Variants in SRFBP1 observed in about 807,000 individuals in gnomAD.
The protein encoded by SRFBP1 is serum response factor-binding protein 1.
A neutral mutation model predicts 45.5 loss-of-function variants in SRFBP1; 47 were observed. That is an observed-to-expected ratio of 1.03 (90% CI 0.82 to 1.32). The LOEUF (loss-of-function observed/expected upper bound fraction) is 1.32, where lower values mean the gene tolerates loss of function less well. Ranked by LOEUF, SRFBP1 falls within the 40% of genes most tolerant of loss-of-function variation. SRFBP1 has a pLI of 0.00. For missense variants in SRFBP1, 621 were observed against 484.6 expected, an observed-to-expected ratio of 1.28 and a Z score of -2.64; for synonymous variants, 203 against 166.3, an observed-to-expected ratio of 1.22 and a Z score of -1.70.
rs1433464482 is a variant in SRFBP1 at position 122,020,768 on chromosome 5, T to C, written c.1033T>C (p.Phe345Leu). ...AACCAGAAAGTTAGAATCAGTGTTTTTCCACTCTTTATCTGGATCTAAAAG... is the reference window on the plus strand; with the variant it reads ...AACCAGAAAGTTAGAATCAGTGTTTCTCCACTCTTTATCTGGATCTAAAAG... ...TETRKLESVF[F>L]HSLSGSKSSR... is the part of the protein sequence containing the mutation. The change falls in exon 6 of 8, where the codon TTC becomes CTC. Residue 345 changes from phenylalanine (F) to leucine (L), a missense_variant. Coordinates refer to ENST00000339397, the MANE Select transcript of SRFBP1 (RefSeq NM_152546.3). The C allele has an allele frequency of 6.9e-6, 11 of 1,593,554 alleles. No individual in the cohort carries two copies. Among genetic ancestry groups the C allele is most frequent in the Non-Finnish European group, 8.5e-6 (10 of 1,173,218 alleles).
chr5:122,020,662 A>G lies in SRFBP1; in HGVS notation c.927A>G (p.Pro309=), dbSNP rs756436082. Residue 309 remains proline (P), a synonymous_variant, in exon 6 of 8, where the codon CCA becomes CCG. Transcript: ENST00000339397. The part of the protein sequence containing the change: ...SCHSSVKEQK[P]LEKVFLKEDT... ...ATTCTTCAGTTAAGGAACAAAAACC[A>G]CTAGAAAAAGTGTTTCTTAAAGAAG... is the stretch of plus-strand genomic sequence containing the variant. 3.7e-6 allele frequency: 6 copies of G among 1,614,048 alleles called. No individual in the cohort carries two copies. The South Asian group carries it at 4.4e-5, about 12-fold the overall frequency.
rs746226469 is a variant in SRFBP1 at position 122,020,579 on chromosome 5, G to T, written c.844G>T (p.Gly282Cys). ...TTCCATGTCTGAAGATAGTGATAGC[G>T]GTGACGACTTCTTCATTGGGAAAGT... The part of the protein sequence containing the change: ...QSSMSEDSDS[G>C]DDFFIGKVRR... The change falls in exon 6 of 8, where the codon GGT becomes TGT. Residue 282 changes from glycine (G) to cysteine (C), a missense_variant. Transcript: ENST00000339397. 2 of 1,613,856 alleles carry T rather than the reference G, an allele frequency of 1.2e-6. No homozygotes were observed. The highest frequency in any genetic ancestry group is 2.7e-5 in the African/African-American group (2 of 74,910).
chr5:121,969,786 C>G (rs753230116), intron 1 of SRFBP1, among the ~76,000 whole-genome samples: 4 of 152,052 alleles, frequency 2.6e-5, no homozygotes, highest in Non-Finnish European at 5.9e-5. Context: ...TGGTGATGGC[C>G]TCAGATTTTC....
rs763466097 is a variant in SRFBP1, at chr5:121,994,588, T to G, written c.199-11T>G. The G allele has an allele frequency of 1.3e-6, 2 of 1,576,924 alleles. No individual in the cohort carries two copies. The highest frequency in any genetic ancestry group is 1.7e-6 in the Non-Finnish European group (2 of 1,157,920). On this transcript the variant is annotated splice_polypyrimidine_tract_variant and intron_variant, in intron 3 of 7. Coordinates refer to ENST00000339397, the MANE Select transcript of SRFBP1 (RefSeq NM_152546.3). ...ACATAACTAAAATTAATTTGTTTTA[T>G]TCTTTCACAGGAATTGAAACCTGAC...
intron 4 of SRFBP1, among the ~76,000 whole-genome samples, chr5:122,010,545 C>T (rs1431576491): frequency 1.3e-5 from 2 of 152,106 alleles, no homozygotes; most frequent in African/African-American, 2.4e-5. Flanking sequence ...ATAATAGCTG[C>T]AGATACCCCT....
intron 4 of SRFBP1, among the ~76,000 whole-genome samples, chr5:121,998,278 A>G (rs1172612584): frequency 3.3e-5 from 5 of 151,766 alleles, no homozygotes; most frequent in South Asian, 2.1e-4. Context: ...ATGTCCAACA[A>G]TGATAGACTG....
At chr5:122,057,288 C>T (rs1381263926) in intron 2 of SRFBP1, among the ~76,000 whole-genome samples, 1 of 152,094 alleles carries the variant, frequency 6.6e-6, no homozygotes, top group Non-Finnish European at 1.5e-5. Flanking sequence ...GAGCACAGCA[C>T]CTTGAATATC....
intron 3 of SRFBP1, among the ~76,000 whole-genome samples, chr5:121,980,665 G>C (rs1752389937): frequency 1.3e-5 from 2 of 152,158 alleles, no homozygotes; most frequent in African/African-American, 4.8e-5. Flanking sequence ...CTGTACCCTG[G>C]ACATTATGAA....
chr5:122,011,978 G>T (rs1753103699), intron 4 of SRFBP1, among the ~76,000 whole-genome samples: 1 of 152,070 alleles, frequency 6.6e-6, no homozygotes, highest in Admixed American at 6.6e-5. Flanking sequence ...CACATGAAGG[G>T]AGCTTTACGC....
At chr5:121,996,133 A>G (rs938045600) in intron 4 of SRFBP1, among the ~76,000 whole-genome samples, 4 of 148,038 alleles carry the variant, frequency 2.7e-5, no homozygotes, top group Admixed American at 6.8e-5. Context: ...AATCAATAGA[A>G]AAAGAGGGAA....
intron 2 of SRFBP1, among the ~76,000 whole-genome samples, chr5:122,071,822 T>G (rs1456729356): frequency 6.6e-6 from 1 of 152,168 alleles, no homozygotes; most frequent in East Asian, 1.9e-4. Context: ...GCTCTACCAA[T>G]GCTGGTTTAG....
At chr5:121,977,922 A>G (rs773155396) in intron 3 of SRFBP1, among the ~76,000 whole-genome samples, 30 of 152,178 alleles carry the variant, frequency 2.0e-4, no homozygotes, top group South Asian at 6.2e-4. Context: ...TGCCTTTTCT[A>G]TAATAGTGTC....
At chr5:122,061,086 G>T (rs1242778836) in intron 2 of SRFBP1, among the ~76,000 whole-genome samples, 1 of 151,918 alleles carries the variant, frequency 6.6e-6, no homozygotes, top group African/African-American at 2.4e-5. Flanking sequence ...TAGCTGTGTG[G>T]CAATGGTTTA....
intron 4 of SRFBP1, among the ~76,000 whole-genome samples, chr5:122,016,466 T>C (rs1163438438): frequency 6.6e-6 from 1 of 152,220 alleles, no homozygotes; most frequent in East Asian, 1.9e-4. Flanking sequence ...GAAACCATTG[T>C]GATCTGTGCG....
chr5:122,042,507 T>C (rs1279406933), intron 2 of SRFBP1, among the ~76,000 whole-genome samples: 1 of 152,132 alleles, frequency 6.6e-6, no homozygotes, highest in East Asian at 1.9e-4. Context: ...TTTCCTTGGC[T>C]TCCCAAAGTG....
intron 3 of SRFBP1, among the ~76,000 whole-genome samples, chr5:121,988,465 G>A (rs1752560127): frequency 6.6e-6 from 1 of 152,130 alleles, no homozygotes; most frequent in Admixed American, 6.5e-5. Context: ...ATGGGGTGAA[G>A]TCCAGGAAAA....
chr5:122,060,716 A>G (rs983284192), intron 2 of SRFBP1, among the ~76,000 whole-genome samples: 7 of 139,480 alleles, frequency 5.0e-5, no homozygotes, highest in South Asian at 2.1e-4. Flanking sequence ...TGAAACCTCA[A>G]TGAAACCAAG....
rs959901565 is a variant in SRFBP1 at position 122,070,121 on chromosome 5, G to A, written n.312-5194G>A. On this transcript the variant is annotated intron_variant and non_coding_transcript_variant, in intron 2 of 2. Coordinates refer to the SRFBP1 transcript ENST00000504881. ...AGCGAATGTCACAGCGCACAACATT[G>A]TTGGTATAGTCAGATTCAGGAACCA... is the stretch of plus-strand genomic sequence containing the variant. 3.7e-6 allele frequency: 6 copies of A among 1,613,170 alleles called. No homozygotes were observed. The highest frequency in any genetic ancestry group is 5.1e-6 in the Non-Finnish European group (6 of 1,179,388).
chr5:121,966,767 T>C (rs979844912), intron 1 of SRFBP1, among the ~76,000 whole-genome samples: 3 of 151,148 alleles, frequency 2.0e-5, no homozygotes, highest in African/African-American at 7.3e-5. Context: ...ATTTTATTTT[T>C]TTTTATTTTT....
Sources: allele counts gnomAD v4.1 joint callset (sites outside exome capture counted in the v4.1 genomes callset), GRCh38; gene constraint gnomAD v4.1.1; transcripts MANE v1.5; gene names NCBI Gene and HGNC (gene_info 2026-07-23, HGNC 2026-07-21).